Variants in TRPV3 observed in about 807,000 individuals in gnomAD.
The protein encoded by TRPV3 is transient receptor potential cation channel subfamily V member 3.
TRPV3 carries 88 observed loss-of-function variants against 87.1 expected under a neutral mutation model. The observed-to-expected ratio is 1.01, with a 90% CI of 0.85 to 1.21. The LOEUF is 1.21. TRPV3 is among the 50% of genes most tolerant of loss of function. TRPV3 has a pLI of 0.00. For synonymous variants in TRPV3, 438 were observed against 423.3 expected (o/e 1.03, Z -0.43); for missense variants, 1,054 against 1,030.1 (o/e 1.02, Z -0.32).
In TRPV3 at chr17:3,526,891, G is replaced by T; in HGVS notation, c.1540C>A (p.Gln514Lys). 1 of 1,612,320 alleles carries T rather than the reference G, an allele frequency of 6.2e-7. No homozygotes were observed. The highest frequency in any genetic ancestry group is 8.5e-7 in the Non-Finnish European group (1 of 1,179,356). ...AACCAGGCATCCGAGAGGATGGACT[G>T]CAGATCCGAGGGTCTCAGCAGGAAG... ...AIFLLRPSDL[Q>K]SILSDAWFHF... The change falls in exon 12 of 18, where the codon CAG becomes AAG. Residue 514 changes from glutamine (Q) to lysine (K), a missense_variant. Gln to Lys is a moderately conservative substitution (Grantham distance 53). Transcript: ENST00000576742.
rs759123605 is a variant in TRPV3, at chr17:3,518,626, C to T, written c.2035G>A (p.Glu679Lys). 40 of 1,579,622 alleles carry T rather than the reference C, an allele frequency of 2.5e-5. No homozygotes were observed. The South Asian group carries it at 3.7e-4, about 15-fold the overall frequency. The change falls in exon 15 of 18, where the codon GAG becomes AAG. Residue 679 changes from glutamate to lysine, a missense_variant. Physicochemically the swap from Glu to Lys is moderately conservative, Grantham distance 56. Transcript: ENST00000576742. This position sits in a 1 kb window ranked among gnomAD's most constrained non-coding sequence, Gnocchi z 4.3. Reference protein sequence around the residue: ...LLNMLIALMGETVENVSKESE... With the variant: ...LLNMLIALMGKTVENVSKESE... ...TCCTTGGAGACGTTCTCCACAGTCT[C>T]GCCCATCAGAGCAATGAGCATGTTG...
intron 11 of TRPV3, among the ~76,000 whole-genome samples, 192 bp from the exon 12 acceptor site, chr17:3,527,119 C>T (rs557270145): frequency 1.1e-4 from 17 of 152,186 alleles, no homozygotes; most frequent in African/African-American, 1.2e-4. Context: ...TGAAGGTGAA[C>T]GCTCCCTCAA....
chr17:3,528,064 C>T lies in TRPV3; in HGVS notation c.1464G>A (p.Met488Ile), dbSNP rs149487110. The T allele has an allele frequency of 6.2e-7, 1 of 1,613,786 alleles. No homozygotes were observed. The highest frequency in any genetic ancestry group is 8.5e-7 in the Non-Finnish European group (1 of 1,179,958). Residue 488 changes from methionine to isoleucine, a missense_variant, in exon 11 of 18, where the codon ATG (methionine) becomes ATA (isoleucine). Physicochemically the swap from Met to Ile is conservative, Grantham distance 10. Transcript: ENST00000576742. The surrounding 1 kb of genome is among the most constrained non-coding windows in gnomAD (Gnocchi z 4.2). Reference sequence around the variant, plus strand: ...TGCACATGGCCCAGATGAGCACAAACATCCTCCCTAGGAGCTGCAGCCACC... The same window carrying T: ...TGCACATGGCCCAGATGAGCACAAATATCCTCCCTAGGAGCTGCAGCCACC... ...KMGWLQLLGRMFVLIWAMCIS... is the reference protein window; with the variant it reads ...KMGWLQLLGRIFVLIWAMCIS...
Position 3,518,994 on chromosome 17 carries a change from A to G in TRPV3, c.1811-144T>C. 1 of 932,712 alleles carries G rather than the reference A, an allele frequency of 1.1e-6. No individual in the cohort carries two copies. The highest frequency in any genetic ancestry group is 1.6e-6 in the Non-Finnish European group (1 of 639,836). 57.8% of individuals were successfully genotyped at this position (932,712 alleles called of 1,614,324 possible). On this transcript the variant is annotated intron_variant, in intron 14 of 17. Coordinates refer to ENST00000576742, the MANE Select transcript of TRPV3 (RefSeq NM_145068.4). The surrounding 1 kb of genome is among the most constrained non-coding windows in gnomAD (Gnocchi z 4.3). ...CATCTCCAGTTTCAGGTCCTCTCAAAGCCTCATCAGGCTGGCTTCTCTGGC... is the reference window on the plus strand; with the variant it reads ...CATCTCCAGTTTCAGGTCCTCTCAAGGCCTCATCAGGCTGGCTTCTCTGGC...
Position 3,513,920 on chromosome 17 carries a change from C to CACCG in TRPV3, c.2366_2369dup (p.Ter791GlyfsTer54). On this transcript the variant is annotated frameshift_variant, in exon 18 of 18. Transcript: ENST00000576742. LOFTEE classifies it high-confidence loss of function. ...ACACCAGCTCTGGGTTCCGCTTCTA[C>CACCG]ACCGAGGTTTCCGGGAATTCCTCGA... 6.2e-7 allele frequency: 1 copy of CACCG among 1,613,980 alleles called. No individual in the cohort carries two copies. The highest frequency in any genetic ancestry group is 8.5e-7 in the Non-Finnish European group (1 of 1,179,820).
intron 16 of TRPV3, among the ~76,000 whole-genome samples, chr17:3,515,200 C>T (rs1277982239): frequency 6.6e-6 from 1 of 152,148 alleles, no homozygotes; most frequent in Non-Finnish European, 1.5e-5. Context: ...GTGAGGGTGG[C>T]AACATCACAA....
At chr17:3,534,657 T>C (rs1449945855) in intron 7 of TRPV3, among the ~76,000 whole-genome samples, 9 of 148,560 alleles carry the variant, frequency 6.1e-5, no homozygotes, top group African/African-American at 2.2e-4. Flanking sequence ...TTTTTTTTTT[T>C]CCTAGAGCAT....
At position 3,528,551 on chromosome 17, in the gene TRPV3, G is replaced by C. The variant is rs541349592; in HGVS notation, c.1401+286C>G. ...GCAGCCCTCACAGCAGAAACACCCA[G>C]CTAGTTCTATATTTACAGACAGAGA... On this transcript the variant is annotated intron_variant, in intron 10 of 17. Coordinates refer to ENST00000576742, the MANE Select transcript of TRPV3 (RefSeq NM_145068.4). This position sits in a 1 kb window ranked among gnomAD's most constrained non-coding sequence, Gnocchi z 4.2. Among the ~76,000 whole-genome samples, 1 of 152,184 alleles carries C rather than the reference G, an allele frequency of 6.6e-6. No homozygotes were observed. Among genetic ancestry groups the C allele is most frequent in the East Asian group, 1.9e-4 (1 of 5,194 alleles).
At chr17:3,517,922 G>A (rs562765705) in intron 15 of TRPV3, among the ~76,000 whole-genome samples, 3 of 150,938 alleles carry the variant, frequency 2.0e-5, no homozygotes, top group South Asian at 4.2e-4. Flanking sequence ...GGGTTCAAGC[G>A]ATCCTCCTGC....
rs1295785332 is a variant in TRPV3, at chr17:3,516,449, T to C, written c.2198+8A>G. ...ACCACCACCCCAGGGCCCTTCTCCC[T>C]TTGTTACCGCAAACACAGTCGGAAA... On this transcript the variant is annotated splice_region_variant and intron_variant, in intron 16 of 17. Transcript: ENST00000576742. 1 of 1,612,586 alleles carries C rather than the reference T, an allele frequency of 6.2e-7. No homozygotes were observed. Among genetic ancestry groups the C allele is most frequent in the Admixed American group, 1.7e-5 (1 of 59,986 alleles).
chr17:3,523,907 TACACAC>T (rs111416025), intron 13 of TRPV3, among the ~76,000 whole-genome samples: 2 of 149,872 alleles, frequency 1.3e-5, no homozygotes, highest in Admixed American at 6.7e-5. Flanking sequence ...CACACACACA[TACACAC>T]ACACACACAC....
At chr17:3,551,870 CTTTTTTTTTTTTTTTTT>C (rs747932928) in intron 2 of TRPV3, among the ~76,000 whole-genome samples, 3 of 43,360 alleles carry the variant, frequency 6.9e-5, no homozygotes, top group Admixed American at 7.6e-4. Context: ...GTAATTTATT[CTTTTTTTTTTTTTTTTT>C]TTTTTTTTTT....
chr17:3,541,367 C>CA (rs1280233720), intron 6 of TRPV3, among the ~76,000 whole-genome samples: 1 of 152,002 alleles, frequency 6.6e-6, no homozygotes, highest in East Asian at 1.9e-4. Flanking sequence ...GACTCCATGT[C>CA]AAAAAACAAA....
chr17:3,532,838 C>T lies in TRPV3; in HGVS notation c.884G>A (p.Arg295Gln), dbSNP rs1317916126. 4 of 1,614,116 alleles carry T rather than the reference C, an allele frequency of 2.5e-6. No homozygotes were observed. The highest frequency in any genetic ancestry group is 1.7e-5 in the Admixed American group (1 of 60,012). The change falls in exon 8 of 18, where the codon CGA becomes CAA. Residue 295 changes from arginine to glutamine, a missense_variant. Arg to Gln is a conservative substitution (Grantham distance 43). Transcript: ENST00000576742. ...EQTDITSRDS[R>Q]GNNILHALVT... ...CAGGGCGTGAAGGATGTTGTTGCCTCGTGAGTCCCGCGAGGTGATGTCCGT... is the reference window on the plus strand; with the variant it reads ...CAGGGCGTGAAGGATGTTGTTGCCTTGTGAGTCCCGCGAGGTGATGTCCGT...
chr17:3,537,555 G>T (rs1428050256), intron 6 of TRPV3, among the ~76,000 whole-genome samples: 1 of 152,102 alleles, frequency 6.6e-6, no homozygotes, highest in African/African-American at 2.4e-5. Flanking sequence ...GCATCCTAAT[G>T]AAAGTTAAAG....
chr17:3,523,494 G>A (rs1460059912), intron 13 of TRPV3, among the ~76,000 whole-genome samples: 2 of 152,126 alleles, frequency 1.3e-5, no homozygotes, highest in African/African-American at 4.8e-5. Flanking sequence ...CGAGGCAGGT[G>A]GATCACCTGA....
At chr17:3,527,518 C>T (rs918077571) in intron 11 of TRPV3, among the ~76,000 whole-genome samples, 17 of 152,214 alleles carry the variant, frequency 1.1e-4, no homozygotes, top group African/African-American at 4.1e-4. Context: ...CGTCCCAACC[C>T]TGTCACCTCC....
At chr17:3,514,395 A>C in intron 17 of TRPV3, 198 bp downstream of exon 17, 1 of 590,786 alleles carries the variant, frequency 1.7e-6, no homozygotes, top group Non-Finnish European at 3.0e-6. Context: ...ATGTGTTTCT[A>C]TGGCTTAGGG....
chr17:3,516,414 C>A, intron 16 of TRPV3, 43 bp downstream of exon 16: 1 of 1,506,530 alleles, frequency 6.6e-7, no homozygotes, highest in South Asian at 1.1e-5. Flanking sequence ...CCTCTCTACC[C>A]ACCCCAAAGA....
Sources: gnomAD v4.1 joint callset for allele counts (sites outside exome capture counted in the v4.1 genomes callset) on GRCh38, gnomAD v4.1.1 for gene constraint, Gnocchi (gnomAD v3.1) non-coding constraint, MANE v1.5 for transcripts, NCBI Gene and HGNC (gene_info 2026-07-23, HGNC 2026-07-21) for gene names.